MTDH: variants seen among roughly 807,000 people sequenced by gnomAD.
MTDH encodes protein LYRIC.
A neutral mutation model predicts 72.7 loss-of-function variants in MTDH; 34 were observed. The ratio of observed to expected loss-of-function variants is 0.47; its 90% CI spans 0.36 to 0.62. The LOEUF is 0.62. Ranked by LOEUF, MTDH falls within the 20% of genes least tolerant of loss-of-function variation. The probability of loss-of-function intolerance (pLI) is 0.00; values close to 1 mark genes in which losing one functional copy is unlikely to be tolerated. For synonymous variants in MTDH, 266 were observed against 268.9 expected (o/e 0.99, Z 0.10); for missense variants, 677 against 699.4 (o/e 0.97, Z 0.36).
In MTDH at chr8:97,690,807, T is replaced by C. The variant is rs1586250504; in HGVS notation, c.812-145T>C. 2.1e-5 allele frequency: 13 copies of C among 624,634 alleles called. No individual in the cohort carries two copies. In the East Asian group the frequency reaches 3.6e-4, roughly 17 times the overall value. 38.7% of individuals were successfully genotyped at this position (624,634 alleles called of 1,614,324 possible). Reference sequence around the variant, plus strand: ...TATGTTATGTTCAAGCCTCCTGTTTTTAAATTAAGGCAATCCTTGGTGATC... The same window carrying C: ...TATGTTATGTTCAAGCCTCCTGTTTCTAAATTAAGGCAATCCTTGGTGATC... On this transcript the variant is annotated intron_variant, in intron 5 of 11. Coordinates refer to ENST00000336273, the MANE Select transcript of MTDH (RefSeq NM_178812.4).
intron 1 of MTDH, among the ~76,000 whole-genome samples, chr8:97,660,808 C>CCT (rs993129067): frequency 4.0e-5 from 6 of 151,768 alleles, no homozygotes; most frequent in African/African-American, 1.5e-4. Context: ...TGCTTCCATT[C>CCT]CATTATTTTT....
At chr8:97,646,856 T>G (rs1211743914) in intron 1 of MTDH, among the ~76,000 whole-genome samples, 1 of 152,226 alleles carries the variant, frequency 6.6e-6, no homozygotes, top group Non-Finnish European at 1.5e-5. Flanking sequence ...ATATTGAAGA[T>G]GTATTCGAGA....
intron 6 of MTDH, among the ~76,000 whole-genome samples, chr8:97,698,320 G>C (rs567625459): frequency 5.3e-5 from 8 of 152,302 alleles, no homozygotes; most frequent in African/African-American, 1.7e-4. Context: ...GCGCACGCCT[G>C]ATGGAAAACC....
intron 2 of MTDH, 140 bp from the exon 3 acceptor site, chr8:97,686,528 A>G (rs1307660586): frequency 2.5e-6 from 1 of 403,172 alleles, no homozygotes; most frequent in Non-Finnish European, 4.5e-6. Flanking sequence ...TATTTTTGCC[A>G]CTTAATATGT....
At chr8:97,691,614 G>A (rs944266681) in intron 6 of MTDH, among the ~76,000 whole-genome samples, 5 of 151,832 alleles carry the variant, frequency 3.3e-5, no homozygotes, top group Admixed American at 1.3e-4. Context: ...ATTTTCCTCC[G>A]GATTTTAATA....
At position 97,724,687 on chromosome 8, in the gene MTDH, T is replaced by G. The variant is rs753176230; in HGVS notation, c.*17T>G. The G allele has an allele frequency of 6.4e-7, 1 of 1,570,836 alleles. No homozygotes were observed. Among genetic ancestry groups the G allele is most frequent in the East Asian group, 2.3e-5 (1 of 44,124 alleles). On this transcript the variant is annotated 3_prime_UTR_variant, in exon 12 of 12. Coordinates refer to ENST00000336273, the MANE Select transcript of MTDH (RefSeq NM_178812.4). ...GAAACGTGAAATTTTTTTTCCTGAA[T>G]TGGACATGTGTTTGCAAACACTTGT...
At chr8:97,673,745 C>T (rs558788638) in intron 2 of MTDH, among the ~76,000 whole-genome samples, 3 of 151,628 alleles carry the variant, frequency 2.0e-5, no homozygotes, top group South Asian at 2.1e-4. Flanking sequence ...GAGGCCAAGG[C>T]GGGCAGATAG....
At chr8:97,674,745 G>T (rs1018401192) in intron 2 of MTDH, among the ~76,000 whole-genome samples, 2 of 151,932 alleles carry the variant, frequency 1.3e-5, no homozygotes, top group African/African-American at 4.8e-5. Flanking sequence ...CCATGAGGTA[G>T]TTGAAAACCT....
intron 1 of MTDH, among the ~76,000 whole-genome samples, chr8:97,655,345 ACT>A (rs1422785346): frequency 6.6e-6 from 1 of 152,124 alleles, no homozygotes; most frequent in East Asian, 1.9e-4. Flanking sequence ...TCTGCATAGC[ACT>A]CTACTGAGTG....
chr8:97,644,696 C>T lies in MTDH; in HGVS notation c.190C>T (p.Leu64=). The T allele has an allele frequency of 6.2e-7, 1 of 1,602,828 alleles. No homozygotes were observed. The stretch of plus-strand genomic sequence containing the variant: ...CACTGGCGCGCTCGGGCTGCTGCTG[C>T]TGTTTCTGCTGGGCTACGGCTGGGC... The part of the protein sequence containing the change: ...VGTGALGLLL[L]FLLGYGWAAA... Residue 64 remains leucine (L), a synonymous_variant, in exon 1 of 12, where the codon CTG becomes TTG. Coordinates refer to ENST00000336273, the MANE Select transcript of MTDH (RefSeq NM_178812.4).
chr8:97,677,004 C>CA (rs57430782), intron 2 of MTDH, among the ~76,000 whole-genome samples: 17 of 23,312 alleles, frequency 7.3e-4, no homozygotes, highest in African/African-American at 2.7e-3. Context: ...GACTCTATCT[C>CA]AAAAAAAAAA....
chr8:97,722,579 G>A (rs1358035560), intron 10 of MTDH, among the ~76,000 whole-genome samples: 2 of 152,176 alleles, frequency 1.3e-5, no homozygotes, highest in Non-Finnish European at 2.9e-5. Flanking sequence ...TCCATCCTGG[G>A]CAACAGAGTG....
At chr8:97,710,499 G>A (rs1814579076) in intron 8 of MTDH, among the ~76,000 whole-genome samples, 1 of 150,702 alleles carries the variant, frequency 6.6e-6, no homozygotes, top group Non-Finnish European at 1.5e-5. Context: ...AGACCAGCCT[G>A]GCCAACATGG....
At chr8:97,670,098 TGAG>T (rs1812552632) in intron 2 of MTDH, among the ~76,000 whole-genome samples, 1 of 152,156 alleles carries the variant, frequency 6.6e-6, no homozygotes, top group South Asian at 2.1e-4. Flanking sequence ...GTGGATCACT[TGAG>T]GCCAAGAGTT....
intron 2 of MTDH, among the ~76,000 whole-genome samples, chr8:97,665,632 T>C (rs1251644224): frequency 1.3e-5 from 2 of 152,120 alleles, no homozygotes; most frequent in Non-Finnish European, 2.9e-5. Flanking sequence ...AGTAGGCATA[T>C]GGAGACAAGT....
rs193227183 is a variant in MTDH, at chr8:97,723,515, G to A, written c.1678+480G>A. On this transcript the variant is annotated intron_variant, in intron 11 of 11. Transcript: ENST00000336273. ...TCCCAGCACTTTGAGAGGCTGAGGC[G>A]GGCGGATCACTAGGTCAGGAGATCG... Among the ~76,000 whole-genome samples the A allele has an allele frequency of 2.4e-3, 365 of 151,876 alleles. 3 individuals carry two copies. The highest frequency in any genetic ancestry group is 8.3e-3 in the African/African-American group (345 of 41,448).
intron 11 of MTDH, among the ~76,000 whole-genome samples, chr8:97,723,857 G>A (rs934821340): frequency 6.6e-6 from 1 of 150,574 alleles, no homozygotes; most frequent in Non-Finnish European, 1.5e-5. Context: ...CCTGTAATCC[G>A]AGCACTTTGG....
At chr8:97,699,123 A>G (rs1160552598) in intron 6 of MTDH, among the ~76,000 whole-genome samples, 2 of 152,124 alleles carry the variant, frequency 1.3e-5, no homozygotes, top group Non-Finnish European at 2.9e-5. Flanking sequence ...CCCCATCTCT[A>G]CAAAAAATAC....
intron 1 of MTDH, among the ~76,000 whole-genome samples, chr8:97,646,321 A>G (rs1811561876): frequency 6.6e-6 from 1 of 152,240 alleles, no homozygotes; most frequent in Admixed American, 6.5e-5. Context: ...AACTTTGTCA[A>G]TGTGAATACT....
Sources: allele counts gnomAD v4.1 joint callset (sites outside exome capture counted in the v4.1 genomes callset), GRCh38; gene constraint gnomAD v4.1.1; transcripts MANE v1.5; gene names NCBI Gene and HGNC (gene_info 2026-07-23, HGNC 2026-07-21).